The following BABAM1 variants were observed in gnomAD, a reference collection of about 807,000 sequenced individuals.
The protein encoded by BABAM1 is BRISC and BRCA1-A complex member 1.
BABAM1 carries 14 observed loss-of-function variants against 34.4 expected under a neutral mutation model. The observed-to-expected ratio is 0.41, with a 90% CI of 0.27 to 0.64. The LOEUF (loss-of-function observed/expected upper bound fraction) is 0.64, where lower values mean the gene tolerates loss of function less well. Ranked by LOEUF, BABAM1 falls within the 30% of genes least tolerant of loss-of-function variation. The pLI is 0.34. For synonymous variants in BABAM1, 169 were observed against 165.8 expected (o/e 1.02, Z -0.15); for missense variants, 393 against 434.0 (o/e 0.91, Z 0.84).
At chr19:17,277,202 C>CTT in intron 8 of BABAM1, 22 of 176,972 alleles carry the variant, frequency 1.2e-4, no homozygotes, top group Middle Eastern at 2.2e-3. Context: ...CTTTCTTCTT[C>CTT]TTTTTTTTTT....
Position 17,267,522 on chromosome 19 carries a change from C to A in BABAM1, c.-19C>A, listed in dbSNP as rs1371792350. ...AGAAGGAGGTTCAGGCTACGGTGAG[C>A]CGAAGGTGGGTGGTGAAAGCGTGTG... On this transcript the variant is annotated 5_prime_UTR_variant, in exon 1 of 9. Transcript: ENST00000598188. The A allele has an allele frequency of 6.6e-6, 1 of 152,176 alleles. No homozygotes were observed. Among genetic ancestry groups the A allele is most frequent in the Non-Finnish European group, 1.5e-5 (1 of 68,052 alleles). The allele number at this position is 152,176 out of a possible 1,614,324, so 9.4% of individuals were successfully genotyped here. A position where few individuals can be genotyped will look rare whatever the true frequency, so the allele number is the denominator to read the frequency against.
chr19:17,273,861 C>T (rs774570686), intron 3 of BABAM1, 43 bp from the exon 4 acceptor site: 3 of 1,557,308 alleles, frequency 1.9e-6, no homozygotes, highest in South Asian at 1.2e-5. Flanking sequence ...CTGTGCCCGG[C>T]CCTGAGGGAA....
At chr19:17,268,591 G>A (rs749328509) in intron 1 of BABAM1, 4 of 502,406 alleles carry the variant, frequency 8.0e-6, no homozygotes, top group African/African-American at 1.9e-5. Flanking sequence ...CACCACGCCC[G>A]GCTAATTTTG....
At chr19:17,268,761 G>A in intron 1 of BABAM1, 33 bp from the exon 2 acceptor site, 1 of 1,532,300 alleles carries the variant, frequency 6.5e-7, no homozygotes, top group Non-Finnish European at 8.8e-7. Flanking sequence ...CCAAGGGGAG[G>A]ATTCTGGCTT....
chr19:17,268,977 T>C lies in BABAM1; in HGVS notation c.171T>C (p.Ser57=). ...SRSEGEGEAA[S]ADDGSLNTSG... ...GCGAGGGTGAGGGTGAGGCCGCCAG[T>C]GCTGATGATGGGAGCCTCAACACTT... Residue 57 remains serine (S), a synonymous_variant, in exon 2 of 9, where the codon AGT becomes AGC. Transcript: ENST00000598188. The C allele has an allele frequency of 1.3e-6, 2 of 1,578,658 alleles. No homozygotes were observed. Among genetic ancestry groups the C allele is most frequent in the Non-Finnish European group, 1.7e-6 (2 of 1,163,266 alleles).
intron 5 of BABAM1, chr19:17,274,612 G>A (rs140618987): frequency 3.3e-4 from 63 of 190,396 alleles, no homozygotes; most frequent in African/African-American, 1.3e-3. Context: ...GTATTCAGGA[G>A]GTCCAAAATT....
chr19:17,272,740 C>T (rs373180557), intron 3 of BABAM1, among the ~76,000 whole-genome samples: 2 of 151,472 alleles, frequency 1.3e-5, no homozygotes, highest in East Asian at 2.0e-4. Context: ...AAAAAGAAGC[C>T]GGGCTTGGTG....
At chr19:17,273,218 T>C (rs575421494) in intron 3 of BABAM1, among the ~76,000 whole-genome samples, 5 of 152,228 alleles carry the variant, frequency 3.3e-5, no homozygotes, top group South Asian at 4.1e-4. Flanking sequence ...TCTGGAGTCA[T>C]GTGCTGCCTG....
chr19:17,278,088 C>T (rs559434105), intron 8 of BABAM1, among the ~76,000 whole-genome samples: 3 of 151,620 alleles, frequency 2.0e-5, no homozygotes, highest in East Asian at 3.9e-4. Flanking sequence ...GCAGGAGAAT[C>T]GCTTGAACCC....
Position 17,276,390 on chromosome 19 carries a change from G to C in BABAM1, c.570-105G>C, listed in dbSNP as rs1210720099. ...GCAGCAGTGAACTTGGGAGACATCA[G>C]TGGGGCCTCACCTGCCCGGTGAGCA... is the stretch of plus-strand genomic sequence containing the variant. On this transcript the variant is annotated intron_variant, in intron 6 of 8. Coordinates refer to ENST00000598188, the MANE Select transcript of BABAM1 (RefSeq NM_014173.4). 7 of 1,521,042 alleles carry C rather than the reference G, an allele frequency of 4.6e-6. No individual in the cohort carries two copies. In the Admixed American group the frequency reaches 9.9e-5, roughly 22 times the overall value. The allele number at this position is 1,521,042 out of a possible 1,614,324, so 94.2% of individuals were successfully genotyped here.
chr19:17,268,585 A>T, intron 1 of BABAM1: 1 of 483,108 alleles, frequency 2.1e-6, no homozygotes, highest in East Asian at 3.9e-5. Flanking sequence ...ATGCGCCACC[A>T]CGCCCGGCTA....
At chr19:17,276,456 A>G (rs758916057) in intron 6 of BABAM1, 39 bp from the exon 7 acceptor site, 79 of 1,569,222 alleles carry the variant, frequency 5.0e-5, no homozygotes, top group Non-Finnish European at 6.8e-5. Flanking sequence ...GCAGACCCCC[A>G]CAGGCTGCTC....
At chr19:17,276,432 G>T in intron 6 of BABAM1, 63 bp from the exon 7 acceptor site, 1 of 1,554,218 alleles carries the variant, frequency 6.4e-7, no homozygotes, top group Non-Finnish European at 8.7e-7. Flanking sequence ...GTCTCTCTCA[G>T]GGTGATAAGA....
At chr19:17,275,613 G>A (rs979851532) in intron 5 of BABAM1, among the ~76,000 whole-genome samples, 188 bp from the exon 6 acceptor site, 4 of 152,082 alleles carry the variant, frequency 2.6e-5, no homozygotes, top group Non-Finnish European at 5.9e-5. Flanking sequence ...AAAGTCATCC[G>A]GTACCAGCAT....
chr19:17,271,786 G>A (rs2073844201), intron 3 of BABAM1, 131 bp downstream of exon 3: 2 of 1,036,884 alleles, frequency 1.9e-6, no homozygotes. Context: ...TCAGAGATTA[G>A]CAAGAGCCAG....
intron 2 of BABAM1, 31 bp downstream of exon 2, chr19:17,269,122 G>A: frequency 6.5e-7 from 1 of 1,549,222 alleles, no homozygotes; most frequent in Non-Finnish European, 8.7e-7. Flanking sequence ...GGGGCTCTGA[G>A]ATGCTAGGGA....
At chr19:17,269,633 G>C (rs1350536304) in intron 2 of BABAM1, among the ~76,000 whole-genome samples, 1 of 152,148 alleles carries the variant, frequency 6.6e-6, no homozygotes, top group Non-Finnish European at 1.5e-5. Context: ...TTATAGGCAT[G>C]AGCCACTCTG....
chr19:17,276,647 A>G, intron 7 of BABAM1, 23 bp downstream of exon 7: 1 of 1,591,790 alleles, frequency 6.3e-7, no homozygotes, highest in South Asian at 1.1e-5. Context: ...TGGGAGAGGG[A>G]GGGGTGCCTG....
At chr19:17,272,697 C>T (rs1033011531) in intron 3 of BABAM1, among the ~76,000 whole-genome samples, 12 of 151,794 alleles carry the variant, frequency 7.9e-5, no homozygotes, top group African/African-American at 2.6e-4. Flanking sequence ...TGAGCCACCG[C>T]GCCCAGCCGA....
Sources: gnomAD v4.1 joint callset for allele counts (sites outside exome capture counted in the v4.1 genomes callset) on GRCh38, gnomAD v4.1.1 for gene constraint, MANE v1.5 for transcripts, NCBI Gene and HGNC (gene_info 2026-07-23, HGNC 2026-07-21) for gene names.